The following LGSN variants were observed in gnomAD, a reference collection of about 807,000 sequenced individuals.
The protein encoded by LGSN is lengsin.
In LGSN, 21 loss-of-function variants were observed where a neutral mutation model predicts 19.5. The observed-to-expected ratio is 1.07, with a 90% CI of 0.76 to 1.55. The LOEUF is 1.55. Among genes scored for constraint, LGSN ranks in the 40% most tolerant of loss-of-function variants. The pLI is 0.00. For missense variants in LGSN, 673 were observed against 608.5 expected (o/e 1.11, Z -1.12); for synonymous variants, 257 against 215.6 (o/e 1.19, Z -1.68).
At chr6:63,374,120 T>C in the LGSN span, among the ~76,000 whole-genome samples, 1 of 152,126 alleles carries the variant, frequency 6.6e-6, no homozygotes, top group Non-Finnish European at 1.5e-5. Flanking sequence ...ATTATTTAGG[T>C]GTAAAGGGCA....
chr6:63,304,444 C>T (rs920112081), intron 1 of LGSN, among the ~76,000 whole-genome samples: 2 of 152,188 alleles, frequency 1.3e-5, no homozygotes, highest in African/African-American at 4.8e-5. Context: ...AATAAAATTG[C>T]TCTAGATTAC....
At chr6:63,335,437 A>C in the LGSN span, among the ~76,000 whole-genome samples, 1 of 152,282 alleles carries the variant, frequency 6.6e-6, no homozygotes, top group African/African-American at 2.4e-5. Context: ...CCAAAGCACA[A>C]GCAACAAAAA....
chr6:63,320,833 G>A (rs1372660622), upstream of LGSN, among the ~76,000 whole-genome samples: 1 of 152,152 alleles, frequency 6.6e-6, no homozygotes, highest in Non-Finnish European at 1.5e-5. Context: ...CTGGGCCTGA[G>A]GAAGACCAAG....
At chr6:63,284,295 A>C (rs1767442158) in intron 3 of LGSN, among the ~76,000 whole-genome samples, 1 of 152,100 alleles carries the variant, frequency 6.6e-6, no homozygotes, top group Non-Finnish European at 1.5e-5. Flanking sequence ...CTCATGATAA[A>C]CTTTTTCTCT....
the LGSN span, among the ~76,000 whole-genome samples, chr6:63,560,362 G>A: frequency 1.1e-4 from 15 of 141,084 alleles, no homozygotes; most frequent in East Asian, 2.1e-4. Context: ...AAAAAAGAAA[G>A]AAAGAAAAGA....
the LGSN span, among the ~76,000 whole-genome samples, chr6:63,513,910 CAAAAAAAAAAAAAA>C: frequency 3.7e-4 from 4 of 10,682 alleles, no homozygotes; most frequent in Non-Finnish European, 5.0e-4. Flanking sequence ...GACTTCATCT[CAAAAAAAAAAAAAA>C]AAAAAAAAAA....
the LGSN span, among the ~76,000 whole-genome samples, chr6:63,444,158 G>C: frequency 6.6e-6 from 1 of 152,028 alleles, no homozygotes; most frequent in Non-Finnish European, 1.5e-5. Flanking sequence ...CACTGTCTGA[G>C]AGCTTTCAGT....
At chr6:63,435,434 A>G in the LGSN span, among the ~76,000 whole-genome samples, 1 of 152,212 alleles carries the variant, frequency 6.6e-6, no homozygotes, top group African/African-American at 2.4e-5. Flanking sequence ...GTGATAAAAG[A>G]TGTTTGATGA....
chr6:63,483,279 C>T, the LGSN span, among the ~76,000 whole-genome samples: 1 of 151,986 alleles, frequency 6.6e-6, no homozygotes, highest in Non-Finnish European at 1.5e-5. Flanking sequence ...TGGCTTGTGT[C>T]TTTATTCTTT....
the LGSN span, among the ~76,000 whole-genome samples, chr6:63,558,166 G>A: frequency 3.3e-4 from 50 of 152,158 alleles, no homozygotes; most frequent in Middle Eastern, 3.4e-3. Context: ...CACCGTGCCC[G>A]GCCACATATG....
the LGSN span, among the ~76,000 whole-genome samples, chr6:63,477,313 T>G: frequency 6.6e-6 from 1 of 152,248 alleles, no homozygotes; most frequent in African/African-American, 2.4e-5. Flanking sequence ...ATAAATTACC[T>G]TTATAAAATA....
chr6:63,450,550 CAA>C, the LGSN span, among the ~76,000 whole-genome samples: 11 of 132,804 alleles, frequency 8.3e-5, no homozygotes, highest in Admixed American at 1.5e-4. Context: ...AACTCCACCT[CAA>C]AAAAAAAAAG....
the LGSN span, among the ~76,000 whole-genome samples, chr6:63,504,284 C>G: frequency 6.7e-4 from 101 of 151,594 alleles, 2 homozygotes; most frequent in South Asian, 0.02. Flanking sequence ...CTCTGTTGCC[C>G]AGGCTGGAGT....
chr6:63,331,909 C>G, the LGSN span, among the ~76,000 whole-genome samples: 3 of 152,186 alleles, frequency 2.0e-5, no homozygotes, highest in South Asian at 2.1e-4. Context: ...TAAGCATTCT[C>G]CTGTTAGTAT....
At position 63,276,984 on chromosome 6, in the gene LGSN, C is replaced by A. The variant is rs189108635; in HGVS notation, c.*3037G>T. 6.6e-6 allele frequency: 1 copy of A among 151,524 alleles called. No individual in the cohort carries two copies. Among genetic ancestry groups the A allele is most frequent in the African/African-American group, 2.4e-5 (1 of 41,356 alleles). 9.4% of individuals were successfully genotyped at this position (151,524 alleles called of 1,614,324 possible). A position where few individuals can be genotyped will look rare whatever the true frequency, so the allele number is the denominator to read the frequency against. ...TAAAGAACAAGAATATACATCAGCA[C>A]ACACCTAACTGAAATCTTGGTGGAA... is the stretch of plus-strand genomic sequence containing the variant. On this transcript the variant is annotated 3_prime_UTR_variant, in exon 4 of 4. Coordinates refer to ENST00000370657, the MANE Select transcript of LGSN (RefSeq NM_016571.3).
chr6:63,412,722 A>AAGGAAG, the LGSN span, among the ~76,000 whole-genome samples: 129 of 38,020 alleles, frequency 3.4e-3, 8 homozygotes, highest in African/African-American at 0.016. Context: ...AAGGAAGGAA[A>AAGGAAG]GAAAGAAAGA....
chr6:63,469,925 A>G, the LGSN span, among the ~76,000 whole-genome samples: 26 of 152,140 alleles, frequency 1.7e-4, no homozygotes, highest in Non-Finnish European at 4.4e-5. Flanking sequence ...CATGTTGGTC[A>G]GGCTGGTCTT....
chr6:63,453,892 G>A, the LGSN span, among the ~76,000 whole-genome samples: 1 of 152,012 alleles, frequency 6.6e-6, no homozygotes, highest in Non-Finnish European at 1.5e-5. Context: ...TCCTGACCTC[G>A]TGATCCACCT....
chr6:63,500,763 T>G, the LGSN span, among the ~76,000 whole-genome samples: 1 of 150,826 alleles, frequency 6.6e-6, no homozygotes, highest in Admixed American at 6.6e-5. Flanking sequence ...AGTCTCACTC[T>G]GTCACCCAGG....
Sources: gnomAD v4.1 joint callset for allele counts (sites outside exome capture counted in the v4.1 genomes callset) on GRCh38, gnomAD v4.1.1 for gene constraint, MANE v1.5 for transcripts, NCBI Gene and HGNC (gene_info 2026-07-23, HGNC 2026-07-21) for gene names.